The following METTL15 variants were observed in gnomAD, a reference collection of about 807,000 sequenced individuals.
METTL15 encodes methyltransferase 15, mitochondrial 12S rRNA N4-cytidine, also known as 12S rRNA N(4)-cytidine methyltransferase METTL15.
Under a neutral mutation model 38.3 loss-of-function variants are expected in METTL15, and 34 were observed. The ratio of observed to expected loss-of-function variants is 0.89; its 90% CI spans 0.68 to 1.18. The LOEUF is 1.18. Among genes scored for constraint, METTL15 ranks in the 50% most tolerant of loss-of-function variants. METTL15 has a pLI of 0.00. For synonymous variants in METTL15, 162 were observed against 170.9 expected, an observed-to-expected ratio of 0.95 and a Z score of 0.41; for missense variants, 438 against 498.4, an observed-to-expected ratio of 0.88 and a Z score of 1.15.
chr11:28,394,507 A>C (rs1004594663), intron 5 of METTL15, among the ~76,000 whole-genome samples: 1 of 152,030 alleles, frequency 6.6e-6, no homozygotes, highest in African/African-American at 2.4e-5. Context: ...TATAAAAAGG[A>C]GTGTGGTCTT....
At chr11:28,465,019 T>C (rs925285626) in intron 6 of METTL15, among the ~76,000 whole-genome samples, 1 of 152,200 alleles carries the variant, frequency 6.6e-6, no homozygotes, top group Non-Finnish European at 1.5e-5. Context: ...TTCTGCCTAC[T>C]CATCTTTTTA....
intron 3 of METTL15, among the ~76,000 whole-genome samples, chr11:28,122,630 A>G (rs1341402097): frequency 1.3e-5 from 2 of 151,568 alleles, no homozygotes; most frequent in Admixed American, 6.6e-5. Flanking sequence ...AGGTTTTCAT[A>G]TTCAAATCTA....
intron 6 of METTL15, among the ~76,000 whole-genome samples, chr11:28,498,681 G>A (rs1851556446): frequency 1.3e-5 from 2 of 152,036 alleles, no homozygotes; most frequent in South Asian, 4.1e-4. Flanking sequence ...ACTTCCCACT[G>A]TACTTTGATT....
intron 5 of METTL15, among the ~76,000 whole-genome samples, chr11:28,400,724 A>G (rs773249420): frequency 7.9e-5 from 12 of 151,926 alleles, no homozygotes; most frequent in Non-Finnish European, 1.5e-4. Flanking sequence ...TTCATCCACT[A>G]CTGTGGGTGG....
At chr11:28,283,024 T>C (rs1426192448) in intron 4 of METTL15, among the ~76,000 whole-genome samples, 3 of 152,180 alleles carry the variant, frequency 2.0e-5, no homozygotes, top group Non-Finnish European at 2.9e-5. Context: ...CATTCTACAT[T>C]TGTTTGCATA....
At chr11:28,440,442 A>G (rs1425029846) in intron 6 of METTL15, among the ~76,000 whole-genome samples, 1 of 152,204 alleles carries the variant, frequency 6.6e-6, no homozygotes, top group Non-Finnish European at 1.5e-5. Context: ...TAAATCTCAT[A>G]AGTCTTTATA....
intron 6 of METTL15, among the ~76,000 whole-genome samples, chr11:28,505,093 G>T (rs1176529975): frequency 6.6e-6 from 1 of 152,210 alleles, no homozygotes; most frequent in Non-Finnish European, 1.5e-5. Context: ...GACCTGGTGG[G>T]AAGCTGGCTG....
At chr11:28,240,812 G>A (rs1459207891) in intron 4 of METTL15, among the ~76,000 whole-genome samples, 2 of 152,110 alleles carry the variant, frequency 1.3e-5, no homozygotes, top group Non-Finnish European at 2.9e-5. Flanking sequence ...GAAAAGCATA[G>A]GGGATAGCCA....
At chr11:28,252,342 G>A (rs1854779084) in intron 4 of METTL15, among the ~76,000 whole-genome samples, 1 of 152,026 alleles carries the variant, frequency 6.6e-6, no homozygotes, top group Admixed American at 6.6e-5. Context: ...AGAACATTTA[G>A]TACTGCCAGT....
chr11:28,213,367 T>A (rs1852722516), intron 4 of METTL15, among the ~76,000 whole-genome samples: 1 of 151,990 alleles, frequency 6.6e-6, no homozygotes, highest in South Asian at 2.1e-4. Flanking sequence ...TGAACCTGAT[T>A]TCTAGAGACA....
At chr11:28,426,942 G>C (rs1850871066) in intron 6 of METTL15, among the ~76,000 whole-genome samples, 1 of 151,880 alleles carries the variant, frequency 6.6e-6, no homozygotes, top group South Asian at 2.1e-4. Flanking sequence ...TCTTTAATTA[G>C]ATCCCATTTG....
chr11:28,438,502 G>A (rs765546474), intron 6 of METTL15, among the ~76,000 whole-genome samples: 1 of 152,042 alleles, frequency 6.6e-6, no homozygotes, highest in African/African-American at 2.4e-5. Context: ...CAGTGAAGTG[G>A]TTGTCAGACT....
chr11:28,491,063 T>C (rs1052459192), intron 6 of METTL15, among the ~76,000 whole-genome samples: 2 of 152,138 alleles, frequency 1.3e-5, no homozygotes, highest in Admixed American at 1.3e-4. Flanking sequence ...AAAGGGAAAT[T>C]GAAGAGCTTT....
rs184514447 is a variant in METTL15 at position 28,347,770 on chromosome 11, G to C, written c.*190-4320G>C. 2.0e-5 allele frequency among the ~76,000 whole-genome samples: 3 copies of C among 152,270 alleles called. No homozygotes were observed. The East Asian group carries it at 5.8e-4, about 29-fold the overall frequency. On this transcript the variant is annotated intron_variant and NMD_transcript_variant, in intron 3 of 7. Transcript: ENST00000532947. ...TTGAAAATGCTGTCTCCTGTGCCTA[G>C]AATGATTTCTCTCTAAGTTATATGA... is the stretch of plus-strand genomic sequence containing the variant.
chr11:28,294,675 C>T (rs189315090), intron 5 of METTL15, among the ~76,000 whole-genome samples: 7 of 152,210 alleles, frequency 4.6e-5, no homozygotes, highest in East Asian at 3.9e-4. Flanking sequence ...AAGATCAAAT[C>T]TATTAGTTGG....
exon 8 of METTL15, chr11:28,526,963 C>T (rs1396937502): frequency 6.6e-5 from 10 of 151,954 alleles, no homozygotes; most frequent in East Asian, 5.8e-4. Context: ...TTTTGTTTAA[C>T]GGATCTACCT....
At chr11:28,186,751 CTATTGTAA>C (rs1851509164) in intron 3 of METTL15, among the ~76,000 whole-genome samples, 1 of 150,808 alleles carries the variant, frequency 6.6e-6, no homozygotes, top group Admixed American at 6.6e-5. Context: ...TTACCAGCCA[CTATTGTAA>C]TATAACATTT....
chr11:28,380,880 C>G (rs1269319389), intron 5 of METTL15, among the ~76,000 whole-genome samples: 2 of 151,752 alleles, frequency 1.3e-5, no homozygotes, highest in African/African-American at 4.8e-5. Context: ...TGTCATTCCA[C>G]TACCTTCTGA....
intron 3 of METTL15, among the ~76,000 whole-genome samples, chr11:28,124,980 C>T (rs943012734): frequency 2.0e-5 from 3 of 151,844 alleles, no homozygotes; most frequent in Non-Finnish European, 2.9e-5. Context: ...TTAAAATTAC[C>T]GAAATAGTGA....
Sources: allele counts gnomAD v4.1 joint callset (sites outside exome capture counted in the v4.1 genomes callset), GRCh38; gene constraint gnomAD v4.1.1; transcripts MANE v1.5; gene names NCBI Gene and HGNC (gene_info 2026-07-23, HGNC 2026-07-21).